The following ACSF3 variants were observed in gnomAD, a reference collection of about 807,000 sequenced individuals.
ACSF3 encodes the protein malonate--CoA ligase ACSF3, mitochondrial.
In ACSF3, 78 loss-of-function variants were observed where a neutral mutation model predicts 53.2. The ratio of observed to expected loss-of-function variants is 1.47; its 90% CI spans 1.22 to 1.77. The LOEUF (loss-of-function observed/expected upper bound fraction) is 1.77, where lower values mean the gene tolerates loss of function less well. Ranked by LOEUF, ACSF3 falls within the 40% of genes most tolerant of loss-of-function variation. The pLI, the probability that ACSF3 is intolerant of heterozygous loss-of-function variation, is 0.00. For missense variants in ACSF3, 937 were observed against 771.1 expected (o/e 1.22, Z -2.55); for synonymous variants, 414 against 333.1 (o/e 1.24, Z -2.65).
At chr16:89,127,657 T>C (rs1478372269) in intron 7 of ACSF3, among the ~76,000 whole-genome samples, 1 of 152,188 alleles carries the variant, frequency 6.6e-6, no homozygotes, top group Non-Finnish European at 1.5e-5. Flanking sequence ...TGAGCCACTG[T>C]GCCCTACCAA....
intron 2 of ACSF3, among the ~76,000 whole-genome samples, chr16:89,099,683 G>C (rs113924357): frequency 1.3e-5 from 2 of 152,196 alleles, no homozygotes; most frequent in African/African-American, 4.8e-5. Flanking sequence ...TCAGGAGGCT[G>C]AGGCAGGAGA....
At chr16:89,119,958 C>G (rs984119622) in intron 6 of ACSF3, among the ~76,000 whole-genome samples, 12 of 152,224 alleles carry the variant, frequency 7.9e-5, no homozygotes, top group African/African-American at 2.9e-4. Context: ...CAGGCCAGGG[C>G]AAAGGCCTCA....
At chr16:89,121,269 C>T (rs897778233) in intron 7 of ACSF3, among the ~76,000 whole-genome samples, 9 of 152,222 alleles carry the variant, frequency 5.9e-5, no homozygotes, top group African/African-American at 1.7e-4. Flanking sequence ...GAGCAGAGGC[C>T]GTTGTTGTTG....
chr16:89,126,113 C>A (rs555148149), intron 7 of ACSF3, among the ~76,000 whole-genome samples: 58 of 152,270 alleles, frequency 3.8e-4, no homozygotes, highest in African/African-American at 1.4e-3. Flanking sequence ...TTTAGATATA[C>A]TTTGGTTTCT....
At position 89,101,323 on chromosome 16, in the gene ACSF3, CACGCA is replaced by C. The variant is rs1567685802; in HGVS notation, c.643_647del (p.Thr215ProfsTer53). On this transcript the variant is annotated frameshift_variant, in exon 3 of 11. Coordinates refer to ENST00000614302, the MANE Select transcript of ACSF3 (RefSeq NM_001243279.3). LOFTEE classifies it high-confidence loss of function. ...CGGGGAGGCCCAAGGGCGTGCTGAG[CACGCA>C]CCAAAACATCAGGGCTGTGGTGAGT... 2 of 1,594,132 alleles carry C rather than the reference CACGCA, an allele frequency of 1.3e-6. No individual in the cohort carries two copies. Among genetic ancestry groups the C allele is most frequent in the Non-Finnish European group, 1.7e-6 (2 of 1,170,910 alleles).
intron 4 of ACSF3, 25 bp from the exon 5 acceptor site, chr16:89,112,067 A>G (rs779161974): frequency 6.2e-7 from 1 of 1,613,984 alleles, no homozygotes; most frequent in Non-Finnish European, 8.5e-7. Flanking sequence ...TCATCTTCCT[A>G]CCGAGTGCTT....
chr16:89,145,545 G>A, intron 9 of ACSF3, 144 bp downstream of exon 9: 2 of 1,094,042 alleles, frequency 1.8e-6, no homozygotes, highest in Non-Finnish European at 2.6e-6. Context: ...TCCCTGCCCT[G>A]GCCAGGGAAC....
intron 4 of ACSF3, among the ~76,000 whole-genome samples, chr16:89,103,208 G>A (rs560393459): frequency 1.3e-5 from 2 of 152,380 alleles, no homozygotes; most frequent in South Asian, 2.1e-4. Flanking sequence ...CTGGATGAGC[G>A]GAGGTGACTG....
At chr16:89,098,805 C>G (rs1974924110) in intron 2 of ACSF3, 42 bp downstream of exon 2, 1 of 453,960 alleles carries the variant, frequency 2.2e-6, no homozygotes, top group Non-Finnish European at 4.4e-6. Flanking sequence ...TGTGTGCGAA[C>G]AAGTGGTTGC....
intron 4 of ACSF3, among the ~76,000 whole-genome samples, chr16:89,111,206 G>A (rs72817450): frequency 0.035 from 5,330 of 152,320 alleles, 146 homozygotes; most frequent in East Asian, 0.14. Flanking sequence ...ACATCTTTGT[G>A]TCCTTACATG....
chr16:89,100,120 G>A (rs920557590), intron 2 of ACSF3, among the ~76,000 whole-genome samples: 7 of 152,226 alleles, frequency 4.6e-5, no homozygotes, highest in African/African-American at 1.7e-4. Context: ...CAGCCTGGGC[G>A]ACACAGCAAG....
intron 6 of ACSF3, among the ~76,000 whole-genome samples, chr16:89,118,462 C>T (rs1408519789): frequency 6.6e-6 from 1 of 152,236 alleles, no homozygotes; most frequent in Non-Finnish European, 1.5e-5. Flanking sequence ...GGCTCTAACC[C>T]CCACCCTGGT....
chr16:89,137,493 G>C (rs557966496), intron 8 of ACSF3, among the ~76,000 whole-genome samples: 1 of 126,082 alleles, frequency 7.9e-6, no homozygotes, highest in African/African-American at 3.1e-5. Context: ...AGATTGAGGG[G>C]AAGAGCCCCA....
intron 4 of ACSF3, among the ~76,000 whole-genome samples, chr16:89,111,209 C>T (rs903295895): frequency 1.3e-5 from 2 of 152,226 alleles, no homozygotes; most frequent in African/African-American, 4.8e-5. Flanking sequence ...TCTTTGTGTC[C>T]TTACATGCTT....
intron 3 of ACSF3, chr16:89,102,385 G>A (rs2151415239): frequency 4.8e-6 from 3 of 620,712 alleles, no homozygotes; most frequent in African/African-American, 1.8e-5. Context: ...GTGTGGCGCT[G>A]TCCTCTGTCC....
chr16:89,105,922 G>A (rs1014831294), intron 4 of ACSF3, among the ~76,000 whole-genome samples: 1 of 152,252 alleles, frequency 6.6e-6, no homozygotes, highest in Non-Finnish European at 1.5e-5. Flanking sequence ...CAGGCCAGCT[G>A]TCAAGGATCT....
intron 7 of ACSF3, among the ~76,000 whole-genome samples, chr16:89,125,422 G>C (rs2151494284): frequency 6.6e-6 from 1 of 152,082 alleles, no homozygotes; most frequent in South Asian, 2.1e-4. Flanking sequence ...GCCAGGTGTA[G>C]TGGCTCATGC....
At chr16:89,136,081 T>C (rs1184753557) in intron 8 of ACSF3, among the ~76,000 whole-genome samples, 1 of 152,250 alleles carries the variant, frequency 6.6e-6, no homozygotes, top group African/African-American at 2.4e-5. Context: ...GGCCGGTTCT[T>C]GTATTTTTAA....
Position 89,154,431 on chromosome 16 carries a change from G to C in ACSF3, c.*224G>C. ...ACCGTCCCTGGTGTCACCTCTGCCT[G>C]GTCACCGCCGACCTCATCTGTGCAG... On this transcript the variant is annotated 3_prime_UTR_variant, in exon 11 of 11. Coordinates refer to ENST00000614302, the MANE Select transcript of ACSF3 (RefSeq NM_001243279.3). 1 of 662,928 alleles carries C rather than the reference G, an allele frequency of 1.5e-6. No individual in the cohort carries two copies. Among genetic ancestry groups the C allele is most frequent in the Non-Finnish European group, 2.8e-6 (1 of 361,616 alleles). The allele number at this position is 662,928 out of a possible 1,614,324, so 41.1% of individuals were successfully genotyped here. A position where few individuals can be genotyped will look rare whatever the true frequency, so the allele number is the denominator to read the frequency against.
Sources: gnomAD v4.1 joint callset for allele counts (sites outside exome capture counted in the v4.1 genomes callset) on GRCh38, gnomAD v4.1.1 for gene constraint, MANE v1.5 for transcripts, NCBI Gene and HGNC (gene_info 2026-07-23, HGNC 2026-07-21) for gene names.